The following DNAH8 variants were observed in gnomAD, a reference collection of about 807,000 sequenced individuals.
DNAH8 encodes dynein axonemal heavy chain 8, also known as axonemal beta dynein heavy chain 8.
In DNAH8, 382 loss-of-function variants were observed where a neutral mutation model predicts 562.1. The ratio of observed to expected loss-of-function variants is 0.68; its 90% CI spans 0.63 to 0.74. DNAH8 has a LOEUF of 0.74. Among genes scored for constraint, DNAH8 ranks in the 30% least tolerant of loss-of-function variants. DNAH8 has a pLI of 0.00. For missense variants in DNAH8, 5,203 were observed against 5,620.4 expected (o/e 0.93, Z 2.37); for synonymous variants, 1,881 against 1,919.4 (o/e 0.98, Z 0.52).
chr6:38,759,928 C>T (rs899723635), intron 10 of DNAH8, among the ~76,000 whole-genome samples: 3 of 152,188 alleles, frequency 2.0e-5, no homozygotes, highest in African/African-American at 7.2e-5. Context: ...TTTCCTGCTA[C>T]AAGATCCCAT....
At chr6:38,862,175 C>A in intron 43 of DNAH8, 105 bp from the exon 44 acceptor site, 1 of 990,128 alleles carries the variant, frequency 1.0e-6, no homozygotes, top group Non-Finnish European at 1.5e-6. Context: ...GCTACTCAGA[C>A]TCTAAAATAA....
In DNAH8 at chr6:38,825,735, G is replaced by C. The variant is rs906915269; in HGVS notation, c.3848-421G>C. On this transcript the variant is annotated intron_variant, in intron 28 of 92. Transcript: ENST00000327475. ...ACTCTGACCATGTGGATGATGTGGT[G>C]AGTAGAAAAGCAAGAAACCTGTGAA... 3.9e-5 allele frequency among the ~76,000 whole-genome samples: 6 copies of C among 152,256 alleles called. No homozygotes were observed. The South Asian group carries it at 1.2e-3, about 32-fold the overall frequency.
intron 28 of DNAH8, among the ~76,000 whole-genome samples, chr6:38,824,254 G>C (rs1270006354): frequency 6.6e-6 from 1 of 152,214 alleles, no homozygotes; most frequent in Non-Finnish European, 1.5e-5. Context: ...GTCTCATACA[G>C]GGTGTCTGGG....
Position 38,915,329 on chromosome 6 carries a change from G to A in DNAH8, c.10092G>A (p.Lys3364=), listed in dbSNP as rs1306922073. Residue 3364 remains lysine, a synonymous_variant, in exon 68 of 93, where the codon AAG becomes AAA. Transcript: ENST00000327475. ...IDSEKVKAES[K]LEAAKPALEE... is the part of the protein sequence containing the mutation. Reference sequence around the variant, plus strand: ...GTGAAAAAGTGAAAGCTGAAAGCAAGCTTGAGGCAGCTAAACCTGCACTGG... The same window carrying A: ...GTGAAAAAGTGAAAGCTGAAAGCAAACTTGAGGCAGCTAAACCTGCACTGG... 1 of 1,609,656 alleles carries A rather than the reference G, an allele frequency of 6.2e-7. No individual in the cohort carries two copies. The highest frequency in any genetic ancestry group is 1.3e-5 in the African/African-American group (1 of 74,672).
At chr6:38,919,764 G>C (rs1299336686) in intron 70 of DNAH8, among the ~76,000 whole-genome samples, 2 of 152,146 alleles carry the variant, frequency 1.3e-5, no homozygotes, top group Non-Finnish European at 2.9e-5. Context: ...ATTAGGAAAT[G>C]ATGAAAATAA....
At chr6:39,020,538 T>G (rs1766846254) in intron 91 of DNAH8, among the ~76,000 whole-genome samples, 2 of 152,224 alleles carry the variant, frequency 1.3e-5, no homozygotes, top group Admixed American at 1.3e-4. Context: ...TATTTTACTT[T>G]AAGTTCCGGG....
intron 48 of DNAH8, among the ~76,000 whole-genome samples, chr6:38,869,523 G>T (rs1777303247): frequency 1.3e-5 from 2 of 152,158 alleles, no homozygotes; most frequent in South Asian, 4.1e-4. Context: ...ATCATAAGGG[G>T]TCAGATGTTG....
chr6:38,903,398 G>A (rs1780207062), intron 62 of DNAH8, among the ~76,000 whole-genome samples: 1 of 151,990 alleles, frequency 6.6e-6, no homozygotes, highest in African/African-American at 2.4e-5. Flanking sequence ...TAAACAACCA[G>A]ATCTTATATG....
Position 38,770,493 on chromosome 6 carries a change from A to G in DNAH8, c.1698A>G (p.Lys566=), listed in dbSNP as rs2127621410. 1 of 1,607,262 alleles carries G rather than the reference A, an allele frequency of 6.2e-7. No individual in the cohort carries two copies. The highest frequency in any genetic ancestry group is 1.3e-5 in the African/African-American group (1 of 74,680). ...TGATTTCAGAATCCTCAGGGGAAAAATCTTTTGAGGTTTCAGAAATGTATA... is the reference window on the plus strand; with the variant it reads ...TGATTTCAGAATCCTCAGGGGAAAAGTCTTTTGAGGTTTCAGAAATGTATA... ...RKLISESSGE[K]SFEVSEMYIF... is the part of the protein sequence containing the mutation. The change falls in exon 12 of 93, where the codon AAA becomes AAG. Residue 566 remains lysine, a synonymous_variant. Coordinates refer to ENST00000327475, the MANE Select transcript of DNAH8 (RefSeq NM_001206927.2).
chr6:38,862,752 C>T (rs1199510765), intron 44 of DNAH8, among the ~76,000 whole-genome samples: 4 of 152,180 alleles, frequency 2.6e-5, no homozygotes, highest in Admixed American at 6.5e-5. Flanking sequence ...AAATAGCAAA[C>T]AGGGGACACA....
chr6:38,899,322 G>T (rs928941574), intron 61 of DNAH8, among the ~76,000 whole-genome samples: 1 of 152,170 alleles, frequency 6.6e-6, no homozygotes, highest in African/African-American at 2.4e-5. Flanking sequence ...AAATTTGTTG[G>T]CAGAGATATG....
intron 22 of DNAH8, 66 bp downstream of exon 22, chr6:38,803,377 CT>C: frequency 7.8e-7 from 1 of 1,289,772 alleles, no homozygotes; most frequent in East Asian, 2.4e-5. Flanking sequence ...TAAGCACCTT[CT>C]GCTTAGCAGG....
chr6:38,772,402 G>A (rs1036610247), intron 12 of DNAH8, among the ~76,000 whole-genome samples: 4 of 152,130 alleles, frequency 2.6e-5, no homozygotes, highest in African/African-American at 9.7e-5. Flanking sequence ...ATTCTACTGG[G>A]TATGAAGTGG....
intron 53 of DNAH8, among the ~76,000 whole-genome samples, chr6:38,880,448 T>C (rs1778387335): frequency 6.6e-6 from 1 of 152,024 alleles, no homozygotes; most frequent in African/African-American, 2.4e-5. Flanking sequence ...GCCAGTGCGA[T>C]GGGGGGAAAA....
chr6:38,904,363 G>T lies in DNAH8; in HGVS notation c.9195-1891G>T, dbSNP rs761281955. Among the ~76,000 whole-genome samples the T allele has an allele frequency of 1.1e-4, 17 of 152,164 alleles. 1 individual carries two copies. On this transcript the variant is annotated intron_variant, in intron 62 of 92. Coordinates refer to ENST00000327475, the MANE Select transcript of DNAH8 (RefSeq NM_001206927.2). ...AATAGGGTGCGTCATGGAAAGAAAAGATGGCTGTGGAAAGAATTCTGGGGT... is the reference window on the plus strand; with the variant it reads ...AATAGGGTGCGTCATGGAAAGAAAATATGGCTGTGGAAAGAATTCTGGGGT...
At chr6:38,891,423 T>TA (rs1194146270) in intron 58 of DNAH8, among the ~76,000 whole-genome samples, 1 of 152,250 alleles carries the variant, frequency 6.6e-6, no homozygotes, top group Admixed American at 6.5e-5. Context: ...CGTAATTCAC[T>TA]ACACATCCAT....
chr6:38,943,382 C>A (rs1181801162), intron 79 of DNAH8, among the ~76,000 whole-genome samples: 3 of 152,094 alleles, frequency 2.0e-5, no homozygotes, highest in Non-Finnish European at 2.9e-5. Flanking sequence ...ATCCTTAGAT[C>A]ACAGATACTT....
chr6:38,971,867 T>C (rs1049911143), intron 83 of DNAH8: 2 of 400,260 alleles, frequency 5.0e-6, no homozygotes, highest in Admixed American at 4.3e-5. Flanking sequence ...ATATGCTCCA[T>C]TTTACCTTCA....
intron 21 of DNAH8, among the ~76,000 whole-genome samples, chr6:38,792,573 C>T (rs1048294372): frequency 1.3e-5 from 2 of 152,182 alleles, no homozygotes; most frequent in African/African-American, 4.8e-5. Flanking sequence ...AATGCCCCAG[C>T]TTAAATCCTT....
Sources: gnomAD v4.1 joint callset for allele counts (sites outside exome capture counted in the v4.1 genomes callset) on GRCh38, gnomAD v4.1.1 for gene constraint, MANE v1.5 for transcripts, NCBI Gene and HGNC (gene_info 2026-07-23, HGNC 2026-07-21) for gene names.